The following GPATCH2 variants were observed in gnomAD, a reference collection of about 807,000 sequenced individuals.
GPATCH2 encodes G patch domain-containing protein 2.
A neutral mutation model predicts 58.0 loss-of-function variants in GPATCH2; 51 were observed. The observed-to-expected ratio is 0.88, with a 90% confidence interval of 0.70 to 1.11. GPATCH2 has a LOEUF of 1.11. Ranked by LOEUF, GPATCH2 falls within the 50% of genes most tolerant of loss-of-function variation. The pLI is 0.00. For synonymous variants in GPATCH2, 222 were observed against 218.5 expected, an observed-to-expected ratio of 1.02 and a Z score of -0.14; for missense variants, 625 against 652.2, an observed-to-expected ratio of 0.96 and a Z score of 0.45.
chr1:217,628,928 T>C (rs2102862218), intron 1 of GPATCH2, among the ~76,000 whole-genome samples: 1 of 152,144 alleles, frequency 6.6e-6, no homozygotes, highest in African/African-American at 2.4e-5. Flanking sequence ...GGTTAAGAAT[T>C]TTGGGGGGGT....
chr1:217,499,456 C>A (rs973389246), intron 6 of GPATCH2, among the ~76,000 whole-genome samples: 4 of 152,136 alleles, frequency 2.6e-5, no homozygotes, highest in African/African-American at 9.7e-5. Flanking sequence ...TGGGACGCTC[C>A]AAGACTTCTT....
chr1:217,483,374 G>A (rs1322303183), intron 8 of GPATCH2, among the ~76,000 whole-genome samples: 2 of 152,066 alleles, frequency 1.3e-5, no homozygotes, highest in Non-Finnish European at 2.9e-5. Context: ...TTGTAGAGAT[G>A]GCATCTCACT....
chr1:217,521,718 C>T (rs1663469290), intron 5 of GPATCH2, among the ~76,000 whole-genome samples: 1 of 152,132 alleles, frequency 6.6e-6, no homozygotes, highest in South Asian at 2.1e-4. Context: ...AATTAGAGAA[C>T]TTAGGCTATC....
intron 5 of GPATCH2, among the ~76,000 whole-genome samples, chr1:217,601,608 T>C (rs1049685936): frequency 2.0e-5 from 3 of 152,124 alleles, no homozygotes; most frequent in African/African-American, 4.8e-5. Flanking sequence ...GTATGAATAA[T>C]GTTCATTCAA....
At chr1:217,607,530 T>C (rs1668419420) in intron 5 of GPATCH2, among the ~76,000 whole-genome samples, 1 of 152,194 alleles carries the variant, frequency 6.6e-6, no homozygotes. Context: ...TATAGTGCTA[T>C]TGGCCATGAG....
chr1:217,567,625 T>G (rs1219251447), intron 5 of GPATCH2, among the ~76,000 whole-genome samples: 1 of 152,246 alleles, frequency 6.6e-6, no homozygotes, highest in Non-Finnish European at 1.5e-5. Context: ...GAGGACTGTC[T>G]GATGTTTCTG....
chr1:217,524,212 T>C (rs1478623751), intron 5 of GPATCH2, among the ~76,000 whole-genome samples: 68 of 63,642 alleles, frequency 1.1e-3, no homozygotes, highest in Admixed American at 2.3e-3. Context: ...GGCTCCTCAC[T>C]TCTCAGACAG....
intron 5 of GPATCH2, among the ~76,000 whole-genome samples, chr1:217,546,086 C>G (rs1339815231): frequency 6.6e-6 from 1 of 152,030 alleles, no homozygotes; most frequent in Non-Finnish European, 1.5e-5. Flanking sequence ...ATATAGCTAA[C>G]TAGGGAGGTG....
chr1:217,523,249 T>C lies in GPATCH2; in HGVS notation c.1099-8360A>G, dbSNP rs1003890207. ...GGGATTTGGCAGGGTCACAGGACAA[T>C]AGTGGAGGGAAGGTCAGCAGATAAA... On this transcript the variant is annotated intron_variant, in intron 5 of 9. Transcript: ENST00000366935. 4.7e-4 allele frequency among the ~76,000 whole-genome samples: 71 copies of C among 151,624 alleles called. 2 individuals are homozygous for C. Among genetic ancestry groups the C allele is most frequent in the African/African-American group, 1.7e-3 (68 of 40,998 alleles).
chr1:217,603,306 T>A (rs2102796916), intron 5 of GPATCH2, among the ~76,000 whole-genome samples: 1 of 152,260 alleles, frequency 6.6e-6, no homozygotes, highest in African/African-American at 2.4e-5. Context: ...AACATTAAAA[T>A]ACCAAGATTG....
intron 5 of GPATCH2, among the ~76,000 whole-genome samples, chr1:217,581,367 A>G (rs1305852616): frequency 6.6e-6 from 1 of 152,246 alleles, no homozygotes; most frequent in Non-Finnish European, 1.5e-5. Context: ...ACAAGTTGGA[A>G]GACAAAGGCA....
chr1:217,546,807 C>T (rs1428013536), intron 5 of GPATCH2, among the ~76,000 whole-genome samples: 5 of 152,076 alleles, frequency 3.3e-5, no homozygotes, highest in African/African-American at 1.2e-4. Context: ...AGTAGACAAC[C>T]TACAGAATGT....
intron 5 of GPATCH2, among the ~76,000 whole-genome samples, chr1:217,594,487 CT>C (rs1400004977): frequency 1.3e-5 from 2 of 151,932 alleles, no homozygotes; most frequent in African/African-American, 4.8e-5. Context: ...CACACTGTAA[CT>C]TCATGTGGTA....
At chr1:217,452,979 C>G (rs977898101) in intron 8 of GPATCH2, among the ~76,000 whole-genome samples, 3 of 152,222 alleles carry the variant, frequency 2.0e-5, no homozygotes, top group African/African-American at 7.2e-5. Context: ...CCACACCCCC[C>G]TTCTTTCAGA....
chr1:217,572,050 G>C (rs929595342), intron 5 of GPATCH2, among the ~76,000 whole-genome samples: 1 of 151,780 alleles, frequency 6.6e-6, no homozygotes, highest in East Asian at 1.9e-4. Flanking sequence ...GGGAGGGAGA[G>C]GGAGAGAAAT....
At chr1:217,445,730 A>G (rs1659358896) in intron 9 of GPATCH2, among the ~76,000 whole-genome samples, 1 of 152,160 alleles carries the variant, frequency 6.6e-6, no homozygotes, top group Non-Finnish European at 1.5e-5. Flanking sequence ...TAAATAAGCT[A>G]AAGCACTGAA....
chr1:217,591,408 A>G (rs531133146), intron 5 of GPATCH2, among the ~76,000 whole-genome samples: 6 of 152,252 alleles, frequency 3.9e-5, no homozygotes, highest in African/African-American at 1.4e-4. Context: ...CCTAGTTAAA[A>G]GCATTGACAA....
chr1:217,591,542 T>C (rs1483163709), intron 5 of GPATCH2, among the ~76,000 whole-genome samples: 1 of 152,098 alleles, frequency 6.6e-6, no homozygotes, highest in African/African-American at 2.4e-5. Context: ...GAGTTACTTA[T>C]TCTGTCCAAA....
intron 5 of GPATCH2, among the ~76,000 whole-genome samples, chr1:217,515,916 CAA>C (rs1348662486): frequency 3.3e-5 from 5 of 151,734 alleles, no homozygotes; most frequent in Non-Finnish European, 7.4e-5. Context: ...TAAATATATA[CAA>C]AAACTTAGAT....
Sources: allele counts gnomAD v4.1 joint callset (sites outside exome capture counted in the v4.1 genomes callset), GRCh38; gene constraint gnomAD v4.1.1; transcripts MANE v1.5; gene names NCBI Gene and HGNC (gene_info 2026-07-23, HGNC 2026-07-21).